NEK7: variants seen among roughly 807,000 people sequenced by gnomAD.
NEK7 encodes NIMA related kinase 7.
A neutral mutation model predicts 44.6 loss-of-function variants in NEK7; 18 were observed. That is an observed-to-expected ratio of 0.40 (90% CI 0.28 to 0.60). NEK7 has a LOEUF of 0.60. Ranked by LOEUF, NEK7 falls within the 20% of genes least tolerant of loss-of-function variation. The pLI is 0.38. For synonymous variants in NEK7, 130 were observed against 121.1 expected (o/e 1.07, Z -0.48); for missense variants, 256 against 366.5 (o/e 0.70, Z 2.46).
chr1:198,167,449 CATG>C (rs1322614415), intron 1 of NEK7, among the ~76,000 whole-genome samples: 5 of 152,088 alleles, frequency 3.3e-5, no homozygotes, highest in Non-Finnish European at 7.4e-5. Context: ...CACTCATTAA[CATG>C]ATGATGATAA....
chr1:198,193,842 C>T (rs1432407959), intron 1 of NEK7, among the ~76,000 whole-genome samples: 2 of 151,998 alleles, frequency 1.3e-5, no homozygotes, highest in Non-Finnish European at 2.9e-5. Context: ...ACAAAAAAGC[C>T]ATATATGACA....
intron 9 of NEK7, among the ~76,000 whole-genome samples, chr1:198,314,220 T>C (rs1254638853): frequency 6.6e-6 from 1 of 152,236 alleles, no homozygotes; most frequent in African/African-American, 2.4e-5. Flanking sequence ...TCCAGTTGAT[T>C]GCATTGGCTC....
chr1:198,161,804 G>C (rs1490112075), intron 1 of NEK7, among the ~76,000 whole-genome samples: 7 of 152,054 alleles, frequency 4.6e-5, no homozygotes, highest in Non-Finnish European at 1.0e-4. Context: ...TCTAATGTCA[G>C]TCATTTGTCT....
chr1:198,184,788 C>T (rs1664869466), intron 1 of NEK7, among the ~76,000 whole-genome samples: 1 of 152,104 alleles, frequency 6.6e-6, no homozygotes, highest in Non-Finnish European at 1.5e-5. Context: ...CTTGCTTCGG[C>T]CTCCCAAGTA....
intron 5 of NEK7, among the ~76,000 whole-genome samples, chr1:198,275,663 A>G (rs1221956884): frequency 2.6e-5 from 4 of 151,284 alleles, no homozygotes; most frequent in African/African-American, 4.8e-5. Context: ...CTTTTTTTAA[A>G]TTCTTTGGCT....
chr1:198,261,063 A>G (rs978752207), intron 3 of NEK7, among the ~76,000 whole-genome samples: 1 of 151,988 alleles, frequency 6.6e-6, no homozygotes, highest in African/African-American at 2.4e-5. Context: ...CCCTTATTCC[A>G]TATTTACTTT....
intron 1 of NEK7, among the ~76,000 whole-genome samples, chr1:198,181,668 A>G (rs191031434): frequency 1.6e-3 from 249 of 152,278 alleles, no homozygotes; most frequent in Middle Eastern, 6.8e-3. Flanking sequence ...TGATAAGATT[A>G]CTGAAATAAA....
intron 2 of NEK7, among the ~76,000 whole-genome samples, chr1:198,252,738 G>A (rs550729724): frequency 6.6e-6 from 1 of 150,544 alleles, no homozygotes; most frequent in African/African-American, 2.4e-5. Flanking sequence ...ATGTATGTAT[G>A]TTTTATATAT....
intron 5 of NEK7, among the ~76,000 whole-genome samples, chr1:198,264,716 A>G (rs988675470): frequency 3.3e-5 from 5 of 151,986 alleles, no homozygotes; most frequent in Admixed American, 6.6e-5. Context: ...ATTAATTCAT[A>G]ATTAATATAA....
At chr1:198,224,761 A>G (rs1408158968) in intron 1 of NEK7, among the ~76,000 whole-genome samples, 4 of 152,156 alleles carry the variant, frequency 2.6e-5, no homozygotes, top group African/African-American at 9.7e-5. Flanking sequence ...ATGTGGATAT[A>G]ACCCACACAA....
chr1:198,210,457 C>T (rs1045881706), intron 1 of NEK7, among the ~76,000 whole-genome samples: 2 of 152,094 alleles, frequency 1.3e-5, no homozygotes, highest in African/African-American at 2.4e-5. Flanking sequence ...TGGCCATTCT[C>T]ATATTGTTAG....
chr1:198,258,454 CA>C (rs1383266561), intron 3 of NEK7, among the ~76,000 whole-genome samples: 23 of 151,960 alleles, frequency 1.5e-4, no homozygotes. Context: ...AAAACAACAA[CA>C]ACAAAAACTT....
chr1:198,183,180 A>G (rs2102748442), intron 1 of NEK7, among the ~76,000 whole-genome samples: 1 of 152,208 alleles, frequency 6.6e-6, no homozygotes, highest in East Asian at 1.9e-4. Context: ...CATCTGGAAA[A>G]CCCGTCTTTA....
At chr1:198,249,642 G>A (rs544638438) in intron 2 of NEK7, among the ~76,000 whole-genome samples, 26 of 151,864 alleles carry the variant, frequency 1.7e-4, no homozygotes, top group African/African-American at 6.3e-4. Flanking sequence ...GGCCAGTGAT[G>A]GTGAGCATTT....
At chr1:198,251,969 G>A (rs1653019352) in intron 2 of NEK7, among the ~76,000 whole-genome samples, 1 of 151,978 alleles carries the variant, frequency 6.6e-6, no homozygotes, top group Non-Finnish European at 1.5e-5. Context: ...GTGATGTTAA[G>A]GTGTCAGTTT....
intron 2 of NEK7, among the ~76,000 whole-genome samples, chr1:198,244,393 G>T (rs950191900): frequency 6.6e-6 from 1 of 152,134 alleles, no homozygotes; most frequent in South Asian, 2.1e-4. Flanking sequence ...TGCTCAGTAA[G>T]TGTCCTTGCC....
Position 198,221,504 on chromosome 1 carries a change from A to ATTTTT in NEK7, c.-28-11048_-28-11044dup, listed in dbSNP as rs1218779127. On this transcript the variant is annotated intron_variant, in intron 1 of 9. Coordinates refer to ENST00000367385, the MANE Select transcript of NEK7 (RefSeq NM_133494.3). Reference sequence around the variant, plus strand: ...TGATCACAGGTAAAATGCACCAATGATTTTTCTTAAAAACATATTTTTAAG... The same window carrying ATTTTT: ...TGATCACAGGTAAAATGCACCAATGATTTTTTTTTTCTTAAAAACATATTTTTAAG... Among the ~76,000 whole-genome samples, 5 of 151,742 alleles carry ATTTTT rather than the reference A, an allele frequency of 3.3e-5. No individual in the cohort carries two copies. In the East Asian group the frequency reaches 9.7e-4, roughly 29 times the overall value.
intron 1 of NEK7, among the ~76,000 whole-genome samples, chr1:198,222,441 T>C (rs2102847584): frequency 1.3e-5 from 2 of 152,344 alleles, no homozygotes; most frequent in South Asian, 4.1e-4. Context: ...TAGGTTTTTC[T>C]GTGTGAATCT....
chr1:198,188,270 G>A (rs1224973546), intron 1 of NEK7, among the ~76,000 whole-genome samples: 1 of 152,168 alleles, frequency 6.6e-6, no homozygotes. Context: ...TAAGTAAGCT[G>A]ATTAGCTTAC....
Sources: gnomAD v4.1 joint callset for allele counts (sites outside exome capture counted in the v4.1 genomes callset) on GRCh38, gnomAD v4.1.1 for gene constraint, MANE v1.5 for transcripts, NCBI Gene and HGNC (gene_info 2026-07-23, HGNC 2026-07-21) for gene names.